GATAD1: variants seen among roughly 807,000 people sequenced by gnomAD.
The protein encoded by GATAD1 is GATA zinc finger domain containing 1, also known as GATA zinc finger domain-containing protein 1.
Under a neutral mutation model 26.5 loss-of-function variants are expected in GATAD1, and 12 were observed. The observed-to-expected ratio is 0.45, with a 90% CI of 0.29 to 0.73. The LOEUF (loss-of-function observed/expected upper bound fraction) is 0.73. GATAD1 is among the 30% of genes least tolerant of loss of function. The probability of loss-of-function intolerance (pLI) is 0.10; values close to 1 mark genes in which losing one functional copy is unlikely to be tolerated. For missense variants in GATAD1, 266 were observed against 342.1 expected (o/e 0.78, Z 1.75); for synonymous variants, 129 against 133.1 (o/e 0.97, Z 0.21).
downstream of GATAD1, among the ~76,000 whole-genome samples, chr7:92,462,300 C>T (rs1276323333): frequency 5.4e-5 from 8 of 149,490 alleles, no homozygotes; most frequent in African/African-American, 1.5e-4. Context: ...TTTTTAATAA[C>T]GCAAAAAAAA....
the GATAD1 span, among the ~76,000 whole-genome samples, chr7:92,481,755 A>G: frequency 1.4e-4 from 21 of 152,328 alleles, no homozygotes; most frequent in East Asian, 3.1e-3. Flanking sequence ...GTGAGTTTAT[A>G]TAATGATTTT....
chr7:92,489,502 A>G, the GATAD1 span: 2 of 1,305,796 alleles, frequency 1.5e-6, no homozygotes, highest in Non-Finnish European at 2.2e-6. Flanking sequence ...GTTACTTCTT[A>G]TTGTCAGTTT....
chr7:92,470,006 C>G, the GATAD1 span: 24 of 778,326 alleles, frequency 3.1e-5, 1 homozygote, highest in Admixed American at 4.1e-4. Context: ...ACATGTTTTT[C>G]TCTTGCCTGA....
the GATAD1 span, chr7:92,492,938 C>T: frequency 1.6e-5 from 26 of 1,599,532 alleles, no homozygotes; most frequent in African/African-American, 3.1e-4. Context: ...ATAACAACTT[C>T]CTCATATAAC....
intron 1 of GATAD1, 79 bp downstream of exon 1, chr7:92,448,057 C>T (rs1284710027): frequency 6.5e-6 from 7 of 1,073,284 alleles, no homozygotes; most frequent in Non-Finnish European, 8.2e-6. Context: ...TGGGAGCGGG[C>T]GGGCGCGGGC....
At chr7:92,480,494 C>T in the GATAD1 span, among the ~76,000 whole-genome samples, 2 of 152,032 alleles carry the variant, frequency 1.3e-5, no homozygotes, top group African/African-American at 4.8e-5. Flanking sequence ...TATGTTTCCA[C>T]GATGGAAGGA....
intron 2 of GATAD1, chr7:92,449,263 A>G: frequency 1.2e-6 from 1 of 804,024 alleles, no homozygotes; most frequent in South Asian, 5.3e-5. Flanking sequence ...CTAAGTAAAT[A>G]TTAACACTAG....
the GATAD1 span, among the ~76,000 whole-genome samples, chr7:92,492,071 T>C: frequency 3.9e-5 from 6 of 152,328 alleles, no homozygotes; most frequent in Non-Finnish European, 7.4e-5. Context: ...CTACTGTAAA[T>C]ATTAAAATCA....
At chr7:92,475,437 G>A in the GATAD1 span, 12 of 152,270 alleles carry the variant, frequency 7.9e-5, no homozygotes, top group East Asian at 1.5e-3. Context: ...TCTGCTTATC[G>A]AATTAGTTAT....
chr7:92,450,458 G>A (rs914188690), intron 2 of GATAD1: 9 of 503,908 alleles, frequency 1.8e-5, no homozygotes, highest in African/African-American at 1.8e-4. Flanking sequence ...TTAGATCTCA[G>A]CAGCATAATC....
chr7:92,461,867 C>T (rs1233278460), downstream of GATAD1, among the ~76,000 whole-genome samples: 5 of 152,072 alleles, frequency 3.3e-5, no homozygotes, highest in African/African-American at 1.2e-4. Flanking sequence ...AAGGGACATA[C>T]CAGCACTTCT....
chr7:92,469,466 A>G, the GATAD1 span: 1 of 768,204 alleles, frequency 1.3e-6, no homozygotes, highest in East Asian at 2.4e-5. Context: ...ACATAACTGT[A>G]TAAATCTTGT....
At chr7:92,461,742 CCT>C (rs1157170655), downstream of GATAD1, among the ~76,000 whole-genome samples, 1 of 152,148 alleles carries the variant, frequency 6.6e-6, no homozygotes, top group Non-Finnish European at 1.5e-5. Flanking sequence ...AGCTTCCATT[CCT>C]CTCTGTGGGC....
downstream of GATAD1, among the ~76,000 whole-genome samples, chr7:92,460,776 CA>C (rs557542327): frequency 0.098 from 6,195 of 63,368 alleles, 217 homozygotes; most frequent in East Asian, 0.38. Flanking sequence ...GACCTTCTCT[CA>C]AAAAAAAAAA....
the GATAD1 span, among the ~76,000 whole-genome samples, chr7:92,488,202 G>C: frequency 6.6e-6 from 1 of 152,186 alleles, no homozygotes; most frequent in African/African-American, 2.4e-5. Context: ...ATAGCAATAT[G>C]TACAGACTGT....
the GATAD1 span, among the ~76,000 whole-genome samples, chr7:92,476,490 A>G: frequency 6.6e-6 from 1 of 152,224 alleles, no homozygotes; most frequent in Non-Finnish European, 1.5e-5. Context: ...ATAGGGTCAC[A>G]GAGAAGACCT....
At chr7:92,494,767 T>G in the GATAD1 span, 48 of 406,748 alleles carry the variant, frequency 1.2e-4, no homozygotes, top group Non-Finnish European at 1.6e-4. Context: ...CAACAAACCC[T>G]TAAAGAAGGC....
intron 2 of GATAD1, chr7:92,449,215 T>A: frequency 3.2e-6 from 3 of 939,866 alleles, no homozygotes; most frequent in Non-Finnish European, 2.6e-6. Context: ...TATGGCCAGG[T>A]ACACTAAGAA....
At chr7:92,467,426 T>A in the GATAD1 span, among the ~76,000 whole-genome samples, 1 of 152,220 alleles carries the variant, frequency 6.6e-6, no homozygotes, top group Admixed American at 6.5e-5. Context: ...CTTGCCTCAT[T>A]TTCAACAGGT....
Sources: gnomAD v4.1 joint callset for allele counts (sites outside exome capture counted in the v4.1 genomes callset) on GRCh38, gnomAD v4.1.1 for gene constraint, MANE v1.5 for transcripts, NCBI Gene and HGNC (gene_info 2026-07-23, HGNC 2026-07-21) for gene names.